FHOD3: variants seen among roughly 807,000 people sequenced by gnomAD.
FHOD3 encodes the protein formin homology 2 domain containing 3.
FHOD3 carries 90 observed loss-of-function variants against 173.0 expected under a neutral mutation model. That is an observed-to-expected ratio of 0.52 (90% CI 0.44 to 0.62). The LOEUF (loss-of-function observed/expected upper bound fraction) is 0.62. Among genes scored for constraint, FHOD3 ranks in the 20% least tolerant of loss-of-function variants. FHOD3 has a pLI of 0.00. For synonymous variants in FHOD3, 828 were observed against 823.0 expected (o/e 1.01, Z -0.10); for missense variants, 1,945 against 2,034.7 (o/e 0.96, Z 0.85).
intron 9 of FHOD3, among the ~76,000 whole-genome samples, chr18:36,625,116 T>A (rs939204570): frequency 3.9e-5 from 6 of 152,130 alleles, no homozygotes; most frequent in African/African-American, 1.4e-4. Flanking sequence ...CGGCCACCAC[T>A]AGGCTTCAGG....
intron 17 of FHOD3, among the ~76,000 whole-genome samples, chr18:36,704,970 G>C (rs1297683443): frequency 3.4e-5 from 5 of 147,408 alleles, no homozygotes; most frequent in African/African-American, 1.3e-4. Flanking sequence ...CCACTGATTG[G>C]TGTTCACCTC....
In FHOD3 at chr18:36,428,785, C is replaced by T. The variant is rs114813674; in HGVS notation, c.337+56041C>T. 3.0e-3 allele frequency among the ~76,000 whole-genome samples: 463 copies of T among 152,250 alleles called. 3 individuals carry two copies. The highest frequency in any genetic ancestry group is 0.011 in the African/African-American group (443 of 41,542). On this transcript the variant is annotated intron_variant, in intron 3 of 28. Transcript: ENST00000590592. ...TATTTTTTCCAACTTCAGGATATTT[C>T]TTCAGAGGAGGAATTTGATTGGTCC...
intron 18 of FHOD3, among the ~76,000 whole-genome samples, chr18:36,714,536 C>T (rs117344540): frequency 5.9e-5 from 9 of 152,064 alleles, no homozygotes; most frequent in South Asian, 2.1e-4. Flanking sequence ...GACTCTGTCT[C>T]GAAGAAAAAA....
chr18:36,451,388 A>G (rs935797381), intron 3 of FHOD3, among the ~76,000 whole-genome samples: 1 of 152,214 alleles, frequency 6.6e-6, no homozygotes, highest in African/African-American at 2.4e-5. Flanking sequence ...AAAGCATCCA[A>G]TGGCCAAAAG....
At chr18:36,701,019 C>T (rs932455157) in intron 17 of FHOD3, among the ~76,000 whole-genome samples, 11 of 152,280 alleles carry the variant, frequency 7.2e-5, no homozygotes, top group Non-Finnish European at 1.6e-4. Context: ...TGATAAGTTG[C>T]TCCTCCCAAG....
At chr18:36,649,216 G>T in intron 10 of FHOD3, 100 bp from the exon 11 acceptor site, 4 of 669,368 alleles carry the variant, frequency 6.0e-6, no homozygotes, top group Admixed American at 2.9e-5. Context: ...CGTTGTTGTT[G>T]TTGTTGTTGT....
chr18:36,625,228 A>G (rs1012763562), intron 9 of FHOD3, among the ~76,000 whole-genome samples: 3 of 152,136 alleles, frequency 2.0e-5, no homozygotes, highest in Admixed American at 6.5e-5. Context: ...GTTAGGTCCT[A>G]TCCGATTACA....
chr18:36,581,060 A>G (rs931874324), intron 6 of FHOD3, among the ~76,000 whole-genome samples: 1 of 152,240 alleles, frequency 6.6e-6, no homozygotes, highest in African/African-American at 2.4e-5. Flanking sequence ...TGCAATGCAT[A>G]TTTGCAGATA....
chr18:36,773,429 T>C (rs1452836803), intron 28 of FHOD3, among the ~76,000 whole-genome samples: 2 of 152,208 alleles, frequency 1.3e-5, no homozygotes, highest in Non-Finnish European at 2.9e-5. Context: ...GATGTTTCCG[T>C]CTTTCATCAT....
At chr18:36,568,208 C>T (rs1384289965) in intron 5 of FHOD3, among the ~76,000 whole-genome samples, 8 of 146,864 alleles carry the variant, frequency 5.4e-5, no homozygotes, top group Admixed American at 4.8e-4. Context: ...CATGGTGGTG[C>T]ACATCTGTAA....
chr18:36,770,455 C>T (rs1271658736), intron 28 of FHOD3, among the ~76,000 whole-genome samples: 2 of 152,200 alleles, frequency 1.3e-5, no homozygotes, highest in Non-Finnish European at 2.9e-5. Context: ...ACACACGTTT[C>T]CAGGATACAG....
chr18:36,744,621 G>A (rs1038643222), intron 23 of FHOD3, among the ~76,000 whole-genome samples: 21 of 152,080 alleles, frequency 1.4e-4, no homozygotes, highest in Admixed American at 5.2e-4. Flanking sequence ...GGGCCCTCCC[G>A]GCTCCTGCTC....
At chr18:36,570,336 C>T (rs1245259539) in intron 5 of FHOD3, among the ~76,000 whole-genome samples, 1 of 152,036 alleles carries the variant, frequency 6.6e-6, no homozygotes, top group African/African-American at 2.4e-5. Flanking sequence ...ACTACCAAAA[C>T]CCACCCAAGA....
chr18:36,588,996 G>C (rs907980130), intron 6 of FHOD3, among the ~76,000 whole-genome samples: 4 of 152,196 alleles, frequency 2.6e-5, no homozygotes, highest in African/African-American at 9.6e-5. Flanking sequence ...TCCCTGGACT[G>C]AGGCTTGACT....
At chr18:36,708,427 C>T (rs1173836603) in intron 17 of FHOD3, among the ~76,000 whole-genome samples, 9 of 152,202 alleles carry the variant, frequency 5.9e-5, no homozygotes, top group African/African-American at 1.7e-4. Flanking sequence ...ATATTAGTTT[C>T]GTATTGCTGT....
At position 36,652,515 on chromosome 18, in the gene FHOD3, C is replaced by G; in HGVS notation, c.1287-55C>G. The stretch of plus-strand genomic sequence containing the variant: ...GTCTCTCTTTTTCCTAACCTTTGCT[C>G]CTTCTCTCCCAAATCTTTTTTTCTT... On this transcript the variant is annotated intron_variant, in intron 11 of 28. Coordinates refer to ENST00000590592, the MANE Select transcript of FHOD3 (RefSeq NM_001281740.3). 55 of 1,478,722 alleles carry G rather than the reference C, an allele frequency of 3.7e-5. 1 individual carries two copies. In the South Asian group the frequency reaches 6.9e-4, roughly 19 times the overall value. 91.6% of individuals were successfully genotyped at this position (1,478,722 alleles called of 1,614,324 possible).
At chr18:36,481,603 C>T (rs1050991832) in intron 3 of FHOD3, among the ~76,000 whole-genome samples, 2 of 152,050 alleles carry the variant, frequency 1.3e-5, no homozygotes, top group Non-Finnish European at 2.9e-5. Context: ...TGGACAGATA[C>T]CACGCAGACA....
intron 10 of FHOD3, among the ~76,000 whole-genome samples, chr18:36,631,330 C>G (rs180679211): frequency 6.6e-6 from 1 of 152,288 alleles, no homozygotes; most frequent in African/African-American, 2.4e-5. Context: ...GTTCAGAACC[C>G]AGCTCTCCCA....
At chr18:36,698,310 C>G (rs2039399131) in intron 17 of FHOD3, among the ~76,000 whole-genome samples, 1 of 152,190 alleles carries the variant, frequency 6.6e-6, no homozygotes, top group Non-Finnish European at 1.5e-5. Context: ...ATTTCTCAGT[C>G]TCTAAAAATT....
Sources: allele counts gnomAD v4.1 joint callset (sites outside exome capture counted in the v4.1 genomes callset), GRCh38; gene constraint gnomAD v4.1.1; transcripts MANE v1.5; gene names NCBI Gene and HGNC (gene_info 2026-07-23, HGNC 2026-07-21).